PBRM1: variants seen among roughly 807,000 people sequenced by gnomAD.
The protein encoded by PBRM1 is polybromo 1.
In PBRM1, 27 loss-of-function variants were observed where a neutral mutation model predicts 194.5. The observed-to-expected ratio is 0.14, with a 90% CI of 0.10 to 0.19. The LOEUF (loss-of-function observed/expected upper bound fraction) is 0.19, where lower values mean the gene tolerates loss of function less well. Ranked by LOEUF, PBRM1 falls within the 10% of genes least tolerant of loss-of-function variation. PBRM1 has a pLI of 1.00. For missense variants in PBRM1, 1,466 were observed against 2,077.2 expected (o/e 0.71, Z 5.72); for synonymous variants, 655 against 693.2 (o/e 0.94, Z 0.87).
chr3:52,679,496 TA>T, intron 1 of PBRM1, 77 bp downstream of exon 2: 1 of 1,356,452 alleles, frequency 7.4e-7, no homozygotes, highest in Non-Finnish European at 1.0e-6. Context: ...CCTTGCATCG[TA>T]ACAATTTTAC....
At position 52,558,366 on chromosome 3, in the gene PBRM1, G is replaced by A; in HGVS notation, c.4336C>T (p.Gln1446Ter). The change falls in exon 26 of 30, where the codon CAG (glutamine) becomes TAG (stop). Residue 1446 changes from glutamine to a stop codon, truncating the protein, a stop_gained. Coordinates refer to ENST00000296302, the Ensembl canonical transcript of PBRM1. LOFTEE classifies it high-confidence loss of function. ...GGAGAAGCACTCGGCTGCTGTTGCT[G>A]TGCTGCTCGCTCTCTCTCCTGCTGC... 6.5e-7 allele frequency: 1 copy of A among 1,550,158 alleles called. No individual in the cohort carries two copies. The highest frequency in any genetic ancestry group is 8.7e-7 in the Non-Finnish European group (1 of 1,146,716).
rs1313144560 is a variant in PBRM1, at chr3:52,564,235, TGAAAGA to T, written c.3692-8_3692-3del. 1.0e-5 allele frequency: 16 copies of T among 1,607,136 alleles called. No homozygotes were observed. The highest frequency in any genetic ancestry group is 1.2e-5 in the Non-Finnish European group (14 of 1,174,954). On this transcript the variant is annotated splice_region_variant and splice_polypyrimidine_tract_variant and intron_variant, in intron 22 of 29. Transcript: ENST00000296302. ...TGAATGACAACACAGCACACTTTCC[TGAAAGA>T]GAAAATTAGAAAGAAATTAAAGGAG...
intron 2 of PBRM1, among the ~76,000 whole-genome samples, chr3:52,674,670 A>G (rs2097055577): frequency 6.8e-6 from 1 of 147,176 alleles, no homozygotes; most frequent in Non-Finnish European, 1.5e-5. Context: ...ATATATACAC[A>G]CACACACACA....
chr3:52,585,853 C>T (rs1282724984), intron 20 of PBRM1: 1 of 152,044 alleles, frequency 6.6e-6, no homozygotes, highest in Admixed American at 6.6e-5. Flanking sequence ...CGAAGTTTAA[C>T]CCCTTTCTTT....
chr3:52,581,556 T>C (rs1344670717), intron 20 of PBRM1, among the ~76,000 whole-genome samples: 2 of 150,286 alleles, frequency 1.3e-5, no homozygotes, highest in Non-Finnish European at 3.0e-5. Flanking sequence ...GCAAGGGACA[T>C]CTGAAAGAAT....
downstream of PBRM1, chr3:52,547,391 C>G (rs1264228423): frequency 2.1e-5 from 5 of 233,060 alleles, no homozygotes; most frequent in Non-Finnish European, 4.2e-5. Flanking sequence ...TAGCTGCAGA[C>G]AGATGCACAG....
chr3:52,564,513 T>C (rs2084513745), intron 22 of PBRM1, among the ~76,000 whole-genome samples: 1 of 151,884 alleles, frequency 6.6e-6, no homozygotes. Flanking sequence ...GATGTTGTGG[T>C]GCATGCCTGT....
chr3:52,673,089 G>A (rs1446073634), intron 2 of PBRM1, among the ~76,000 whole-genome samples: 1 of 151,596 alleles, frequency 6.6e-6, no homozygotes, highest in Admixed American at 6.6e-5. Flanking sequence ...CCGGGTTCAA[G>A]CAATTCTCCC....
At chr3:52,636,106 C>T (rs562465881) in intron 10 of PBRM1, among the ~76,000 whole-genome samples, 57 of 151,910 alleles carry the variant, frequency 3.8e-4, no homozygotes, top group South Asian at 2.1e-3. Flanking sequence ...CTCCTGACCT[C>T]GTGATCTGCC....
chr3:52,648,554 T>C (rs1182182250), intron 6 of PBRM1, 112 bp from the exon 8 acceptor site: 2 of 584,510 alleles, frequency 3.4e-6, no homozygotes, highest in South Asian at 2.6e-5. Context: ...CAAGACTTTA[T>C]TGGAAAGTAC....
At chr3:52,657,759 T>C (rs1472168930) in intron 5 of PBRM1, among the ~76,000 whole-genome samples, 43 of 141,416 alleles carry the variant, frequency 3.0e-4, no homozygotes, top group Middle Eastern at 4.8e-3. Context: ...CGTGAGCCAC[T>C]GCGCCTGGCC....
chr3:52,644,343 T>C (rs2096223208), intron 8 of PBRM1, among the ~76,000 whole-genome samples: 2 of 152,084 alleles, frequency 1.3e-5, no homozygotes, highest in South Asian at 2.1e-4. Context: ...TTGATTTCAC[T>C]ACCTAGAAAA....
At chr3:52,571,598 C>G (rs1355767927) in intron 22 of PBRM1, among the ~76,000 whole-genome samples, 1 of 128,404 alleles carries the variant, frequency 7.8e-6, no homozygotes, top group Non-Finnish European at 1.6e-5. Flanking sequence ...TGCACTCCAG[C>G]CTGGGCAACA....
At chr3:52,678,674 A>T in intron 1 of PBRM1, 77 bp from the exon 3 acceptor site, 1 of 867,546 alleles carries the variant, frequency 1.2e-6, no homozygotes, top group Non-Finnish European at 1.9e-6. Context: ...ATTATTTTCT[A>T]CTCTTCAATA....
chr3:52,554,167 T>G (rs1485281138), intron 27 of PBRM1, among the ~76,000 whole-genome samples: 1 of 152,230 alleles, frequency 6.6e-6, no homozygotes, highest in Non-Finnish European at 1.5e-5. Context: ...CTCCCTGCTT[T>G]TTGTTCTAAG....
rs552301466 is a variant in PBRM1, at chr3:52,676,907, G to A, written c.236+1593C>T. The stretch of plus-strand genomic sequence containing the variant: ...TTTAGCAAAGAGACTGGGGCATTTC[G>A]CCCCTGCTCTAGAGATCTGTGGAAG... On this transcript the variant is annotated intron_variant, in intron 2 of 29. Transcript: ENST00000296302. Among the ~76,000 whole-genome samples the A allele has an allele frequency of 3.0e-4, 45 of 152,308 alleles. No individual in the cohort carries two copies. In the East Asian group the frequency reaches 4.2e-3, roughly 14 times the overall value.
intron 10 of PBRM1, among the ~76,000 whole-genome samples, chr3:52,638,194 T>G (rs2095901893): frequency 6.6e-6 from 1 of 152,274 alleles, no homozygotes; most frequent in South Asian, 2.1e-4. Flanking sequence ...AGTGTGCTTA[T>G]ATTTTGTGCA....
At chr3:52,555,619 G>A (rs903350254) in intron 26 of PBRM1, among the ~76,000 whole-genome samples, 2 of 152,166 alleles carry the variant, frequency 1.3e-5, no homozygotes, top group Admixed American at 6.5e-5. Flanking sequence ...GGAATGGCTG[G>A]AGAATTGGGC....
chr3:52,679,528 A>T (rs752028259), intron 1 of PBRM1, 46 bp downstream of exon 2: 27 of 1,552,474 alleles, frequency 1.7e-5, no homozygotes, highest in Non-Finnish European at 2.3e-5. Flanking sequence ...AAGATAGGGG[A>T]ATTGTGGGAA....
Sources: allele counts gnomAD v4.1 joint callset (sites outside exome capture counted in the v4.1 genomes callset), GRCh38; gene constraint gnomAD v4.1.1; transcripts MANE v1.5; gene names NCBI Gene and HGNC (gene_info 2026-07-23, HGNC 2026-07-21).